The following MICU1 variants were observed in gnomAD, a reference collection of about 807,000 sequenced individuals.
MICU1 encodes calcium uptake protein 1, mitochondrial.
In MICU1, 45 loss-of-function variants were observed where a neutral mutation model predicts 56.8. The observed-to-expected ratio is 0.79, with a 90% CI of 0.62 to 1.02. The LOEUF is 1.02. Ranked by LOEUF, MICU1 falls within the 50% of genes least tolerant of loss-of-function variation. The pLI is 0.00. For synonymous variants in MICU1, 186 were observed against 195.1 expected, an observed-to-expected ratio of 0.95 and a Z score of 0.39; for missense variants, 504 against 587.1, an observed-to-expected ratio of 0.86 and a Z score of 1.46.
chr10:72,373,536 A>G (rs1440950375), intron 11 of MICU1, among the ~76,000 whole-genome samples: 2 of 152,130 alleles, frequency 1.3e-5, no homozygotes, highest in Non-Finnish European at 2.9e-5. Flanking sequence ...CTTTTTGTTA[A>G]GTATACTTTT....
chr10:72,590,949 G>A (rs1414176864), intron 1 of MICU1, among the ~76,000 whole-genome samples: 12 of 150,956 alleles, frequency 7.9e-5, no homozygotes, highest in Admixed American at 2.6e-4. Flanking sequence ...CATTCTTCTC[G>A]AGGGTACGTG....
chr10:72,450,364 G>A (rs1865257312), intron 8 of MICU1, among the ~76,000 whole-genome samples: 1 of 151,892 alleles, frequency 6.6e-6, no homozygotes, highest in African/African-American at 2.4e-5. Flanking sequence ...AGTGATTGAT[G>A]AGATGAATCA....
chr10:72,421,597 C>G (rs1436405893), intron 9 of MICU1, among the ~76,000 whole-genome samples: 2 of 152,080 alleles, frequency 1.3e-5, no homozygotes, highest in Non-Finnish European at 2.9e-5. Flanking sequence ...TTCCTTGTAC[C>G]AGGGGCAGCT....
intron 8 of MICU1, among the ~76,000 whole-genome samples, chr10:72,458,962 C>T (rs921501566): frequency 6.7e-5 from 10 of 150,148 alleles, no homozygotes; most frequent in Admixed American, 2.7e-4. Context: ...CTCCTGAACT[C>T]AAGTGATTTG....
chr10:72,572,508 A>G (rs1229231890), intron 1 of MICU1, among the ~76,000 whole-genome samples: 2 of 152,194 alleles, frequency 1.3e-5, no homozygotes, highest in East Asian at 1.9e-4. Flanking sequence ...CAGAAAAAAT[A>G]TAACAGCCAC....
chr10:72,606,409 G>A (rs1264719366), intron 1 of MICU1, among the ~76,000 whole-genome samples: 2 of 151,488 alleles, frequency 1.3e-5, no homozygotes, highest in African/African-American at 2.4e-5. Context: ...AGCTACTCGG[G>A]AACTGAGGCA....
chr10:72,537,756 T>C (rs932525115), intron 4 of MICU1, among the ~76,000 whole-genome samples: 66 of 152,208 alleles, frequency 4.3e-4, no homozygotes, highest in African/African-American at 1.5e-3. Flanking sequence ...GTAGAGTATA[T>C]GTAAAAGTAG....
intron 6 of MICU1, among the ~76,000 whole-genome samples, chr10:72,500,523 T>C (rs1589282563): frequency 6.6e-6 from 1 of 151,686 alleles, no homozygotes; most frequent in Non-Finnish European, 1.5e-5. Context: ...GGTTTCACCA[T>C]GTTGGCCAGG....
intron 10 of MICU1, among the ~76,000 whole-genome samples, chr10:72,405,072 A>G (rs1454799295): frequency 6.6e-6 from 1 of 151,574 alleles, no homozygotes; most frequent in East Asian, 1.9e-4. Context: ...AAGCCCGGCT[A>G]CTTTTTGTTA....
intron 5 of MICU1, chr10:72,532,966 C>A: frequency 1.6e-6 from 2 of 1,263,784 alleles, no homozygotes; most frequent in Non-Finnish European, 2.0e-6. Flanking sequence ...CTGACCTCTC[C>A]CCATCTAGAC....
At chr10:72,587,526 T>C (rs933060660) in intron 1 of MICU1, among the ~76,000 whole-genome samples, 2 of 151,036 alleles carry the variant, frequency 1.3e-5, no homozygotes, top group Non-Finnish European at 2.9e-5. Flanking sequence ...TCACAGCACT[T>C]TGGAAGGCCA....
At position 72,463,065 on chromosome 10, in the gene MICU1, T is replaced by C. The variant is rs551039580; in HGVS notation, c.933+12035A>G. On this transcript the variant is annotated intron_variant, in intron 8 of 11. Transcript: ENST00000361114. ...AAAATATCAATCTCTATGAGTCTTC[T>C]GCACTTTTTTTTTTTTTTGAGACGG... Among the ~76,000 whole-genome samples, 8 of 151,116 alleles carry C rather than the reference T, an allele frequency of 5.3e-5. No homozygotes were observed. The East Asian group carries it at 1.4e-3, about 26-fold the overall frequency.
intron 8 of MICU1, among the ~76,000 whole-genome samples, chr10:72,442,270 G>A (rs1864960749): frequency 6.6e-6 from 1 of 152,092 alleles, no homozygotes; most frequent in African/African-American, 2.4e-5. Flanking sequence ...AGCCTCCTGA[G>A]TAGCTGGGAC....
chr10:72,563,723 C>T (rs1305403516), intron 2 of MICU1, among the ~76,000 whole-genome samples: 1 of 152,114 alleles, frequency 6.6e-6, no homozygotes, highest in African/African-American at 2.4e-5. Flanking sequence ...GACAGAAGCC[C>T]TCATCCACAC....
intron 1 of MICU1, among the ~76,000 whole-genome samples, chr10:72,577,460 G>T (rs1840778594): frequency 6.7e-6 from 1 of 150,006 alleles, no homozygotes; most frequent in South Asian, 2.1e-4. Context: ...GATGAGCTGA[G>T]ATTGCATCAC....
chr10:72,533,719 T>C lies in MICU1; in HGVS notation c.537+27A>G, dbSNP rs555681283. On this transcript the variant is annotated intron_variant, in intron 5 of 11. Coordinates refer to ENST00000361114, the MANE Select transcript of MICU1 (RefSeq NM_001195518.2). Reference sequence around the variant, plus strand: ...TCTTCTTAGTAAATGATAGGATATATGTATAGAAGTGTCATAGTTTGCTCA... The same window carrying C: ...TCTTCTTAGTAAATGATAGGATATACGTATAGAAGTGTCATAGTTTGCTCA... 30 of 1,527,510 alleles carry C rather than the reference T, an allele frequency of 2.0e-5. No homozygotes were observed. In the Admixed American group the frequency reaches 4.5e-4, roughly 23 times the overall value. 94.6% of individuals were successfully genotyped at this position (1,527,510 alleles called of 1,614,324 possible).
intron 8 of MICU1, among the ~76,000 whole-genome samples, chr10:72,472,147 T>C (rs1412997024): frequency 6.6e-6 from 1 of 152,214 alleles, no homozygotes; most frequent in African/African-American, 2.4e-5. Flanking sequence ...TGAAGTTATA[T>C]TTTGAACTCC....
At chr10:72,461,361 T>TA (rs757195355) in intron 8 of MICU1, among the ~76,000 whole-genome samples, 6 of 152,336 alleles carry the variant, frequency 3.9e-5, no homozygotes, top group Admixed American at 2.6e-4. Flanking sequence ...ACCTGATCTT[T>TA]AGACAGAATG....
At chr10:72,537,794 T>A (rs765328319) in intron 4 of MICU1, among the ~76,000 whole-genome samples, 9 of 152,124 alleles carry the variant, frequency 5.9e-5, no homozygotes, top group Non-Finnish European at 1.2e-4. Context: ...ACACATACTG[T>A]TAAGAATAGT....
Sources: allele counts gnomAD v4.1 joint callset (sites outside exome capture counted in the v4.1 genomes callset), GRCh38; gene constraint gnomAD v4.1.1; transcripts MANE v1.5; gene names NCBI Gene and HGNC (gene_info 2026-07-23, HGNC 2026-07-21).